TMEM38B: variants seen among roughly 807,000 people sequenced by gnomAD.
TMEM38B encodes trimeric intracellular cation channel type B.
In TMEM38B, 24 loss-of-function variants were observed where a neutral mutation model predicts 28.7. The ratio of observed to expected loss-of-function variants is 0.84; its 90% CI spans 0.61 to 1.18. The LOEUF (loss-of-function observed/expected upper bound fraction) is 1.18. Among genes scored for constraint, TMEM38B ranks in the 50% most tolerant of loss-of-function variants. TMEM38B has a pLI of 0.00. For missense variants in TMEM38B, 380 were observed against 350.9 expected, an observed-to-expected ratio of 1.08 and a Z score of -0.66; for synonymous variants, 131 against 127.7, an observed-to-expected ratio of 1.03 and a Z score of -0.17.
rs1416779218 is a variant in TMEM38B at position 105,727,903 on chromosome 9, C to T, written c.542+5282C>T. Among the ~76,000 whole-genome samples the T allele has an allele frequency of 5.3e-5, 8 of 152,150 alleles. No individual in the cohort carries two copies. In the South Asian group the frequency reaches 1.5e-3, roughly 28 times the overall value. On this transcript the variant is annotated intron_variant, in intron 4 of 5. Coordinates refer to ENST00000374692, the MANE Select transcript of TMEM38B (RefSeq NM_018112.3). ...TTTGAAAGTCTGGTTCCTTTCCCTC[C>T]TCGTTCTCTTGTTCCCAGTCTCACC... is the stretch of plus-strand genomic sequence containing the variant.
Position 105,733,741 on chromosome 9 carries a change from C to T in TMEM38B, c.542+11120C>T, listed in dbSNP as rs914608854. Reference sequence around the variant, plus strand: ...ATTTATTCACTTACTCTAGGTTATCCAGTTTGTTGGCATATAATTGTTCAT... The same window carrying T: ...ATTTATTCACTTACTCTAGGTTATCTAGTTTGTTGGCATATAATTGTTCAT... On this transcript the variant is annotated intron_variant, in intron 4 of 5. Transcript: ENST00000374692. Among the ~76,000 whole-genome samples the T allele has an allele frequency of 3.3e-5, 5 of 151,856 alleles. No individual in the cohort carries two copies. In the East Asian group the frequency reaches 7.7e-4, roughly 24 times the overall value.
chr9:105,767,982 G>C (rs1173291868), intron 5 of TMEM38B, among the ~76,000 whole-genome samples: 1 of 152,138 alleles, frequency 6.6e-6, no homozygotes, highest in Non-Finnish European at 1.5e-5. Flanking sequence ...GAAATGGTGA[G>C]AGTAGACATC....
At chr9:105,695,044 G>A (rs1464939147) in intron 1 of TMEM38B, among the ~76,000 whole-genome samples, 3 of 152,226 alleles carry the variant, frequency 2.0e-5, no homozygotes, top group African/African-American at 7.2e-5. Context: ...GAGCAGGGCC[G>A]ACCTTGCCAA....
chr9:105,698,264 A>G (rs1399289015), intron 1 of TMEM38B, among the ~76,000 whole-genome samples: 1 of 152,152 alleles, frequency 6.6e-6, no homozygotes, highest in Non-Finnish European at 1.5e-5. Flanking sequence ...GTTGAATACT[A>G]ATGATAGTGA....
chr9:105,705,958 T>G (rs1273217529), intron 2 of TMEM38B, among the ~76,000 whole-genome samples: 2 of 150,662 alleles, frequency 1.3e-5, no homozygotes, highest in African/African-American at 2.4e-5. Context: ...TGAAGTGCAA[T>G]GGCATAATCT....
chr9:105,759,923 C>T (rs1837974065), intron 5 of TMEM38B: 1 of 1,594,582 alleles, frequency 6.3e-7, no homozygotes, highest in Admixed American at 1.7e-5. Flanking sequence ...ATCATGAAAC[C>T]AAATGTTGGA....
At chr9:105,696,746 A>T (rs973259390) in intron 1 of TMEM38B, among the ~76,000 whole-genome samples, 1 of 152,176 alleles carries the variant, frequency 6.6e-6, no homozygotes, top group African/African-American at 2.4e-5. Context: ...CCCAACCCCC[A>T]ACCAGAGATG....
At chr9:105,709,629 C>G (rs1331246268) in intron 2 of TMEM38B, among the ~76,000 whole-genome samples, 1 of 152,136 alleles carries the variant, frequency 6.6e-6, no homozygotes, top group Non-Finnish European at 1.5e-5. Flanking sequence ...GCTGAACATA[C>G]TGACTAGGAT....
rs555375518 is a variant in TMEM38B, at chr9:105,728,868, T to A, written c.542+6247T>A. ...TTTTTCATATGTCTGTTGGCTGCAT[T>A]AATGTCTTCTTTTGAGAAGGGTCTG... is the stretch of plus-strand genomic sequence containing the variant. On this transcript the variant is annotated intron_variant, in intron 4 of 5. Transcript: ENST00000374692. 1.1e-3 allele frequency among the ~76,000 whole-genome samples: 172 copies of A among 152,254 alleles called. 1 individual carries two copies. Among genetic ancestry groups the A allele is most frequent in the African/African-American group, 3.9e-3 (162 of 41,564 alleles).
intron 2 of TMEM38B, chr9:105,710,186 C>T (rs1206806580): frequency 7.0e-6 from 3 of 431,258 alleles, no homozygotes; most frequent in Non-Finnish European, 1.3e-5. Context: ...TTCCACACAC[C>T]CCTTTGTCAC....
rs752488246 is a variant in TMEM38B, at chr9:105,749,043, C to T, written c.660+853C>T. ...ATAAATATGTGTCTTAGAATGAAGT[C>T]ACTGTGTGAATCATTTATTTTTGTT... On this transcript the variant is annotated intron_variant, in intron 5 of 5. Transcript: ENST00000374692. 7.0e-6 allele frequency: 9 copies of T among 1,294,836 alleles called. No homozygotes were observed. In the South Asian group the frequency reaches 1.0e-4, roughly 14 times the overall value. 80.2% of individuals were successfully genotyped at this position (1,294,836 alleles called of 1,614,324 possible).
chr9:105,710,398 CCTT>C (rs1389202578), intron 2 of TMEM38B: 9 of 910,130 alleles, frequency 9.9e-6, no homozygotes, highest in East Asian at 2.4e-5. Context: ...TTCATGATCT[CCTT>C]CTTTCATAAC....
At chr9:105,763,607 A>C (rs1037236251) in intron 5 of TMEM38B, among the ~76,000 whole-genome samples, 1 of 152,248 alleles carries the variant, frequency 6.6e-6, no homozygotes, top group African/African-American at 2.4e-5. Context: ...CCAACCAAAA[A>C]GAGTCCAGGA....
chr9:105,739,964 C>A (rs988567229), intron 4 of TMEM38B, among the ~76,000 whole-genome samples: 1 of 151,634 alleles, frequency 6.6e-6, no homozygotes, highest in Non-Finnish European at 1.5e-5. Flanking sequence ...CTTACTGCAC[C>A]CTCTGCCTTC....
chr9:105,705,561 A>G, intron 1 of TMEM38B, 36 bp from the exon 2 acceptor site: 2 of 1,578,940 alleles, frequency 1.3e-6, no homozygotes, highest in Non-Finnish European at 8.6e-7. Flanking sequence ...ATAAATGTAT[A>G]ATGATCACAG....
rs1389989999 is a variant in TMEM38B, at chr9:105,755,052, G to C, written c.660+6862G>C. 1.8e-4 allele frequency among the ~76,000 whole-genome samples: 28 copies of C among 152,098 alleles called. 1 individual carries two copies. Among genetic ancestry groups the C allele is most frequent in the Non-Finnish European group, 2.9e-5 (2 of 68,008 alleles). Reference sequence around the variant, plus strand: ...TAGAAAATCTAGAAGAAATGGATAAGTTCCTGGACACATACACCCTTGCAA... The same window carrying C: ...TAGAAAATCTAGAAGAAATGGATAACTTCCTGGACACATACACCCTTGCAA... On this transcript the variant is annotated intron_variant, in intron 5 of 5. Coordinates refer to ENST00000374692, the MANE Select transcript of TMEM38B (RefSeq NM_018112.3).
At chr9:105,760,593 G>T in intron 5 of TMEM38B, 1 of 755,712 alleles carries the variant, frequency 1.3e-6, no homozygotes, top group Non-Finnish European at 2.4e-6. Flanking sequence ...CTCTAAAGGA[G>T]AAAAGAAAAA....
At chr9:105,699,323 C>T (rs1256786989) in intron 1 of TMEM38B, among the ~76,000 whole-genome samples, 1 of 152,160 alleles carries the variant, frequency 6.6e-6, no homozygotes, top group Non-Finnish European at 1.5e-5. Context: ...CCTATCCCCC[C>T]AGTGATTGAT....
intron 4 of TMEM38B, among the ~76,000 whole-genome samples, chr9:105,733,780 T>G (rs1228836478): frequency 6.6e-6 from 1 of 152,096 alleles, no homozygotes; most frequent in East Asian, 1.9e-4. Context: ...AGTTGCTTAT[T>G]ATTCTTTTTA....
Sources: gnomAD v4.1 joint callset for allele counts (sites outside exome capture counted in the v4.1 genomes callset) on GRCh38, gnomAD v4.1.1 for gene constraint, MANE v1.5 for transcripts, NCBI Gene and HGNC (gene_info 2026-07-23, HGNC 2026-07-21) for gene names.